RASAL1: variants seen among roughly 807,000 people sequenced by gnomAD.
RASAL1 encodes rasGAP-activating-like protein 1.
Under a neutral mutation model 96.6 loss-of-function variants are expected in RASAL1, and 72 were observed. That is an observed-to-expected ratio of 0.75 (90% CI 0.62 to 0.91). RASAL1 has a LOEUF of 0.91. Ranked by LOEUF, RASAL1 falls within the 40% of genes least tolerant of loss-of-function variation. The pLI, the probability that RASAL1 is intolerant of heterozygous loss-of-function variation, is 0.00. For missense variants in RASAL1, 1,016 were observed against 1,072.5 expected (o/e 0.95, Z 0.74); for synonymous variants, 405 against 430.4 (o/e 0.94, Z 0.73).
rs1391082082 is a variant in RASAL1, at chr12:113,128,291, GACAC to G, written c.123-117_123-114del. 25 of 641,586 alleles carry G rather than the reference GACAC, an allele frequency of 3.9e-5. No homozygotes were observed. In the Admixed American group the frequency reaches 4.1e-4, roughly 10 times the overall value. The allele number at this position is 641,586 out of a possible 1,614,324, so 39.7% of individuals were successfully genotyped here. Reference sequence around the variant, plus strand: ...ACACACACACACACACGGGAATCCAGACACACACACACTCAGAGACCCCCCACAT... The same window carrying G: ...ACACACACACACACACGGGAATCCAGACACACACTCAGAGACCCCCCACAT... On this transcript the variant is annotated intron_variant, in intron 2 of 20. Transcript: ENST00000548055.
At chr12:113,124,217 CAAAA>C (rs35190885) in intron 4 of RASAL1, among the ~76,000 whole-genome samples, 7 of 98,354 alleles carry the variant, frequency 7.1e-5, no homozygotes, top group Admixed American at 1.1e-4. Flanking sequence ...GACTCTGTCT[CAAAA>C]AAAAAAAAAA....
chr12:113,104,160 C>G lies in RASAL1; in HGVS notation c.1968+1G>C, dbSNP rs768735353. The G allele has an allele frequency of 6.2e-7, 1 of 1,607,182 alleles. No homozygotes were observed. Among genetic ancestry groups the G allele is most frequent in the South Asian group, 1.1e-5 (1 of 90,650 alleles). On this transcript the variant is annotated splice_donor_variant, in intron 17 of 20. Transcript: ENST00000548055. LOFTEE classifies it high-confidence loss of function. Reference sequence around the variant, plus strand: ...CGCTCCCCATCGCGGTGGGGTCTCACCTTGCACTGGAGGTAGGTGGTGTGC... The same window carrying G: ...CGCTCCCCATCGCGGTGGGGTCTCAGCTTGCACTGGAGGTAGGTGGTGTGC...
intron 1 of RASAL1, among the ~76,000 whole-genome samples, chr12:113,131,249 G>A (rs369027770): frequency 7.4e-5 from 11 of 147,826 alleles, no homozygotes; most frequent in Non-Finnish European, 1.7e-4. Context: ...AGCGTGTGTG[G>A]GGGGGGTGGG....
Position 113,115,355 on chromosome 12 carries a change from G to T in RASAL1, c.1004-91C>A, listed in dbSNP as rs1951035586. On this transcript the variant is annotated intron_variant, in intron 10 of 20. Coordinates refer to ENST00000548055, the MANE Select transcript of RASAL1 (RefSeq NM_001301202.2). The surrounding 1 kb of genome is among the most constrained non-coding windows in gnomAD (Gnocchi z 4.1). ...CAAGGTGGGAGTCATGATTCTTCCA[G>T]CCCCAAGAATCAGGAAGACCCAAAA... is the stretch of plus-strand genomic sequence containing the variant. 3.8e-6 allele frequency: 5 copies of T among 1,298,892 alleles called. No homozygotes were observed. The African/African-American group carries it at 5.8e-5, about 15-fold the overall frequency. 80.5% of individuals were successfully genotyped at this position (1,298,892 alleles called of 1,614,324 possible). A position where few individuals can be genotyped will look rare whatever the true frequency, so the allele number is the denominator to read the frequency against.
At chr12:113,102,101 C>T in intron 18 of RASAL1, 92 bp from the exon 19 acceptor site, 1 of 1,478,146 alleles carries the variant, frequency 6.8e-7, no homozygotes, top group Admixed American at 1.9e-5. Context: ...CTCCTTCTTC[C>T]TGTAAAATCC....
chr12:113,104,841 T>G (rs1251658019), intron 16 of RASAL1, among the ~76,000 whole-genome samples: 1 of 152,246 alleles, frequency 6.6e-6, no homozygotes, highest in Non-Finnish European at 1.5e-5. Context: ...TCCATTTCCT[T>G]GTTAATAATA....
Position 113,126,688 on chromosome 12 carries a change from TCACACACA to T in RASAL1, c.298+1116_298+1123del, listed in dbSNP as rs71455143. 2.2e-3 allele frequency among the ~76,000 whole-genome samples: 312 copies of T among 139,004 alleles called. 2 individuals carry two copies. Among genetic ancestry groups the T allele is most frequent in the African/African-American group, 7.5e-3 (286 of 37,976 alleles). The allele number at this position is 139,004 out of a possible 152,430, so 91.2% of individuals were successfully genotyped here. On this transcript the variant is annotated intron_variant, in intron 4 of 20. Coordinates refer to ENST00000548055, the MANE Select transcript of RASAL1 (RefSeq NM_001301202.2). ...CAGAATGAGACACTGTCTCTCTCTCTCACACACACACACACACACACACACACACACAC... is the reference window on the plus strand; with the variant it reads ...CAGAATGAGACACTGTCTCTCTCTCTCACACACACACACACACACACACAC...
At chr12:113,101,041 C>T (rs944311663) in intron 19 of RASAL1, among the ~76,000 whole-genome samples, 8 of 152,210 alleles carry the variant, frequency 5.3e-5, no homozygotes, top group African/African-American at 1.7e-4. Context: ...CAGGCACCTA[C>T]AAAGTGCTCT....
rs371725387 is a variant in RASAL1 at position 113,119,057 on chromosome 12, C to G, written c.642+71G>C. 248 of 1,501,316 alleles carry G rather than the reference C, an allele frequency of 1.7e-4. 2 individuals carry two copies. In the Middle Eastern group the frequency reaches 3.2e-3, roughly 19 times the overall value. 93.0% of individuals were successfully genotyped at this position (1,501,316 alleles called of 1,614,324 possible). On this transcript the variant is annotated intron_variant, in intron 7 of 20. Transcript: ENST00000548055. ...CCCTTCTGAGAGCCAGGAGGCTCAGCCCGTCTCATCTTTCTTCCCCCTTGG... is the reference window on the plus strand; with the variant it reads ...CCCTTCTGAGAGCCAGGAGGCTCAGGCCGTCTCATCTTTCTTCCCCCTTGG...
chr12:113,105,176 C>T (rs138469096), intron 16 of RASAL1, among the ~76,000 whole-genome samples: 160 of 152,362 alleles, frequency 1.1e-3, no homozygotes, highest in African/African-American at 3.6e-3. Context: ...GCACGTGTCT[C>T]GGGGCATTCT....
In RASAL1 at chr12:113,108,153, T is replaced by C. The variant is rs780084630; in HGVS notation, c.1444A>G (p.Lys482Glu). 1.9e-6 allele frequency: 3 copies of C among 1,613,622 alleles called. No individual in the cohort carries two copies. In the East Asian group the frequency reaches 6.7e-5, roughly 36 times the overall value. The change falls in exon 14 of 21, where the codon AAG becomes GAG. Residue 482 changes from lysine to glutamate, a missense_variant. Transcript: ENST00000548055. The part of the protein sequence containing the change: ...RFFAPAILTP[K>E]LFDLRDQHAD... ...TGTTGGTCCCGAAGGTCAAACAGCT[T>C]TGGGGTAAGGATGGCAGGTGCGAAG...
intron 16 of RASAL1, 36 bp downstream of exon 16, chr12:113,105,678 C>A (rs1395881291): frequency 1.9e-6 from 3 of 1,547,164 alleles, no homozygotes; most frequent in Non-Finnish European, 2.6e-6. Context: ...AAAAGGCCAC[C>A]CCTGGAAAGC....
At chr12:113,124,735 T>C (rs1268688544) in intron 4 of RASAL1, among the ~76,000 whole-genome samples, 1 of 152,184 alleles carries the variant, frequency 6.6e-6, no homozygotes, top group African/African-American at 2.4e-5. Context: ...GTAAAGCGCT[T>C]AGCACCATGC....
Position 113,135,699 on chromosome 12 carries a change from G to A in RASAL1, c.-237C>T, listed in dbSNP as rs1182697168. ...AGGAGCCGTGCTCCGAGCAGGAGGA[G>A]CGCGCAGGGGGCGCAGCGGGCTCTT... On this transcript the variant is annotated 5_prime_UTR_variant, in exon 1 of 21. Transcript: ENST00000548055. The surrounding 1 kb of genome is among the most constrained non-coding windows in gnomAD (Gnocchi z 5.7). 2.6e-5 allele frequency: 11 copies of A among 422,126 alleles called. No homozygotes were observed. Among genetic ancestry groups the A allele is most frequent in the Admixed American group, 4.1e-5 (1 of 24,236 alleles). The allele number at this position is 422,126 out of a possible 1,614,324, so 26.1% of individuals were successfully genotyped here. A position where few individuals can be genotyped will look rare whatever the true frequency, so the allele number is the denominator to read the frequency against.
At chr12:113,110,992 T>C (rs1950846046) in intron 13 of RASAL1, among the ~76,000 whole-genome samples, 1 of 152,214 alleles carries the variant, frequency 6.6e-6, no homozygotes, top group African/African-American at 2.4e-5. Context: ...GTACTGGGCT[T>C]CCATTCCTAT....
intron 14 of RASAL1, among the ~76,000 whole-genome samples, chr12:113,107,816 A>G (rs1005831076): frequency 6.6e-6 from 1 of 152,168 alleles, no homozygotes; most frequent in East Asian, 1.9e-4. Flanking sequence ...TTTGCAAATG[A>G]TGATCTAATT....
intron 13 of RASAL1, 82 bp from the exon 14 acceptor site, chr12:113,108,304 T>A: frequency 6.8e-7 from 1 of 1,473,304 alleles, no homozygotes; most frequent in Admixed American, 2.8e-5. Flanking sequence ...GGACTAGAAA[T>A]TCGTGGTGCA....
At chr12:113,120,424 A>G (rs1951251937) in intron 5 of RASAL1, among the ~76,000 whole-genome samples, 1 of 152,178 alleles carries the variant, frequency 6.6e-6, no homozygotes, top group African/African-American at 2.4e-5. Flanking sequence ...AGGAAGCCCC[A>G]GCTGAGGCCA....
intron 13 of RASAL1, among the ~76,000 whole-genome samples, chr12:113,110,521 AG>A (rs927523947): frequency 6.6e-6 from 1 of 152,232 alleles, no homozygotes; most frequent in African/African-American, 2.4e-5. Context: ...GCATTCAACC[AG>A]GGGGTCCCAA....
Sources: allele counts gnomAD v4.1 joint callset (sites outside exome capture counted in the v4.1 genomes callset), GRCh38; gene constraint gnomAD v4.1.1; non-coding constraint Gnocchi (gnomAD v3.1); transcripts MANE v1.5; gene names NCBI Gene and HGNC (gene_info 2026-07-23, HGNC 2026-07-21).